Variants in CCDC85A observed in about 807,000 individuals in gnomAD.
CCDC85A encodes the protein coiled-coil domain containing 85A.
CCDC85A carries 38 observed loss-of-function variants against 50.2 expected under a neutral mutation model. That is an observed-to-expected ratio of 0.76 (90% CI 0.58 to 0.99). The LOEUF is 0.99. CCDC85A is among the 50% of genes least tolerant of loss of function. The probability of loss-of-function intolerance (pLI) is 0.00; values close to 1 mark genes in which losing one functional copy is unlikely to be tolerated. For synonymous variants in CCDC85A, 366 were observed against 301.4 expected (o/e 1.21, Z -2.22); for missense variants, 820 against 742.0 (o/e 1.11, Z -1.22).
At chr2:56,267,392 T>C (rs2104046486) in intron 2 of CCDC85A, among the ~76,000 whole-genome samples, 1 of 152,332 alleles carries the variant, frequency 6.6e-6, no homozygotes, top group South Asian at 2.1e-4. Context: ...GGAATGATAG[T>C]GGTTTCAAGT....
chr2:56,376,027 C>A, intron 5 of CCDC85A, 92 bp downstream of exon 5: 1 of 1,339,054 alleles, frequency 7.5e-7, no homozygotes, highest in Non-Finnish European at 9.9e-7. Context: ...CTTGCTTGAA[C>A]CATAGATATT....
At chr2:56,317,955 A>G (rs1672996402) in intron 2 of CCDC85A, among the ~76,000 whole-genome samples, 1 of 152,066 alleles carries the variant, frequency 6.6e-6, no homozygotes, top group Non-Finnish European at 1.5e-5. Flanking sequence ...TTATTCTTGT[A>G]GTAAAGGCTG....
At chr2:56,251,868 G>T (rs1213879138) in intron 2 of CCDC85A, among the ~76,000 whole-genome samples, 1 of 151,630 alleles carries the variant, frequency 6.6e-6, no homozygotes, top group Non-Finnish European at 1.5e-5. Context: ...AGGAGAGAAG[G>T]TGGCTGATTT....
chr2:56,263,410 C>T (rs559751977), intron 2 of CCDC85A, among the ~76,000 whole-genome samples: 2 of 152,298 alleles, frequency 1.3e-5, no homozygotes, highest in African/African-American at 4.8e-5. Flanking sequence ...GGAAGACATT[C>T]TGTGTAATTG....
Position 56,192,399 on chromosome 2 carries a change from T to G in CCDC85A, c.277-78T>G. The G allele has an allele frequency of 6.6e-7, 1 of 1,525,160 alleles. No individual in the cohort carries two copies. Among genetic ancestry groups the G allele is most frequent in the African/African-American group, 1.4e-5 (1 of 72,060 alleles). 94.5% of individuals were successfully genotyped at this position (1,525,160 alleles called of 1,614,324 possible). ...CACAGGTAATTCACCAGTTACAGGC[T>G]CTCCCTTTCCAGGAAGTCTGAGCCT... On this transcript the variant is annotated intron_variant, in intron 1 of 5. Coordinates refer to ENST00000407595, the MANE Select transcript of CCDC85A (RefSeq NM_001080433.2). The surrounding 1 kb of genome is among the most constrained non-coding windows in gnomAD (Gnocchi z 4.7).
intron 2 of CCDC85A, among the ~76,000 whole-genome samples, chr2:56,199,555 C>T (rs974888496): frequency 6.6e-6 from 1 of 151,862 alleles, no homozygotes; most frequent in Non-Finnish European, 1.5e-5. Context: ...ATTAAATGGC[C>T]CTGTATGAGT....
At position 56,316,050 on chromosome 2, in the gene CCDC85A, C is replaced by G. The variant is rs1672906417; in HGVS notation, c.1241-26829C>G. On this transcript the variant is annotated intron_variant, in intron 2 of 5. Coordinates refer to ENST00000407595, the MANE Select transcript of CCDC85A (RefSeq NM_001080433.2). ...GGGGGTCAGCTTGGTGTTGGGACAC[C>G]TGGATTCAGACGGAATGTTGGCAAG... 2.0e-5 allele frequency among the ~76,000 whole-genome samples: 3 copies of G among 152,076 alleles called. No individual in the cohort carries two copies. In the South Asian group the frequency reaches 6.2e-4, roughly 31 times the overall value.
chr2:56,228,724 A>G (rs567730774), intron 2 of CCDC85A, among the ~76,000 whole-genome samples: 3 of 151,964 alleles, frequency 2.0e-5, no homozygotes, highest in South Asian at 2.1e-4. Context: ...TAGTAGAGAC[A>G]CGGTTTCACT....
chr2:56,288,875 G>A (rs962732363), intron 2 of CCDC85A, among the ~76,000 whole-genome samples: 8 of 152,154 alleles, frequency 5.3e-5, no homozygotes, highest in Non-Finnish European at 1.0e-4. Context: ...TTGTGTTGCG[G>A]GGAGAAATCA....
At chr2:56,378,639 T>A (rs1354247775) in intron 5 of CCDC85A, among the ~76,000 whole-genome samples, 2 of 152,350 alleles carry the variant, frequency 1.3e-5, no homozygotes, top group East Asian at 3.9e-4. Context: ...GCTAGACGTT[T>A]CAAATTAATG....
At chr2:56,270,464 T>G (rs1670649358) in intron 2 of CCDC85A, among the ~76,000 whole-genome samples, 1 of 152,184 alleles carries the variant, frequency 6.6e-6, no homozygotes, top group African/African-American at 2.4e-5. Flanking sequence ...TATCTTCACA[T>G]TTTCATTTAA....
chr2:56,266,570 A>C, intron 2 of CCDC85A, among the ~76,000 whole-genome samples: 2 of 125,044 alleles, frequency 1.6e-5, no homozygotes, highest in South Asian at 3.5e-4. Context: ...GTCAATTAAC[A>C]ATAACGCGCC....
At chr2:56,284,722 C>T (rs562416796) in intron 2 of CCDC85A, among the ~76,000 whole-genome samples, 20 of 152,256 alleles carry the variant, frequency 1.3e-4, no homozygotes, top group African/African-American at 4.1e-4. Context: ...GTGTGTTTGT[C>T]TCTCTGCCTT....
chr2:56,240,409 G>A (rs927646809), intron 2 of CCDC85A, among the ~76,000 whole-genome samples: 3 of 152,114 alleles, frequency 2.0e-5, no homozygotes, highest in African/African-American at 7.2e-5. Flanking sequence ...ACCTGCTTGA[G>A]CCTGCTCTCA....
chr2:56,284,928 T>C (rs1671364112), intron 2 of CCDC85A, among the ~76,000 whole-genome samples: 1 of 152,194 alleles, frequency 6.6e-6, no homozygotes. Context: ...AGCTTTCTTA[T>C]GCAGATTATT....
Position 56,385,410 on chromosome 2 carries a change from C to T in CCDC85A, c.*1055C>T, listed in dbSNP as rs1676779017. ...GAGGTTTGAAAAAGAGGTGTGCTAG[C>T]TTTGCTTAGTTTATTTCTTATTTTT... On this transcript the variant is annotated 3_prime_UTR_variant, in exon 6 of 6. Coordinates refer to ENST00000407595, the MANE Select transcript of CCDC85A (RefSeq NM_001080433.2). 1 of 152,084 alleles carries T rather than the reference C, an allele frequency of 6.6e-6. No individual in the cohort carries two copies. Among genetic ancestry groups the T allele is most frequent in the Admixed American group, 6.6e-5 (1 of 15,182 alleles). 9.4% of individuals were successfully genotyped at this position (152,084 alleles called of 1,614,324 possible). A position where few individuals can be genotyped will look rare whatever the true frequency, so the allele number is the denominator to read the frequency against.
intron 4 of CCDC85A, among the ~76,000 whole-genome samples, chr2:56,373,486 A>G (rs1363093463): frequency 6.6e-6 from 1 of 152,166 alleles, no homozygotes; most frequent in Non-Finnish European, 1.5e-5. Context: ...GATGTTGTTT[A>G]CATTGATTTT....
At chr2:56,354,504 G>A (rs1253428735) in intron 3 of CCDC85A, among the ~76,000 whole-genome samples, 1 of 152,216 alleles carries the variant, frequency 6.6e-6, no homozygotes, top group Non-Finnish European at 1.5e-5. Flanking sequence ...ATCTGAAATA[G>A]CCACTAAGAA....
chr2:56,335,409 G>A (rs1444554847), intron 2 of CCDC85A, among the ~76,000 whole-genome samples: 1 of 152,116 alleles, frequency 6.6e-6, no homozygotes, highest in Non-Finnish European at 1.5e-5. Flanking sequence ...TTTGCTGAGA[G>A]AGACTATCTT....
Sources: gnomAD v4.1 joint callset for allele counts (sites outside exome capture counted in the v4.1 genomes callset) on GRCh38, gnomAD v4.1.1 for gene constraint, Gnocchi (gnomAD v3.1) non-coding constraint, MANE v1.5 for transcripts, NCBI Gene and HGNC (gene_info 2026-07-23, HGNC 2026-07-21) for gene names.